SCUBE1: variants seen among roughly 807,000 people sequenced by gnomAD.
SCUBE1 encodes the protein signal peptide, CUB domain and EGF like domain containing 1.
Under a neutral mutation model 124.4 loss-of-function variants are expected in SCUBE1, and 59 were observed. The observed-to-expected ratio is 0.47, with a 90% CI of 0.38 to 0.59. SCUBE1 has a LOEUF of 0.59. Among genes scored for constraint, SCUBE1 ranks in the 20% least tolerant of loss-of-function variants. The pLI is 0.00. For missense variants in SCUBE1, 1,150 were observed against 1,371.2 expected (o/e 0.84, Z 2.55); for synonymous variants, 545 against 550.9 (o/e 0.99, Z 0.15).
At chr22:43,279,131 A>G (rs911300278) in intron 4 of SCUBE1, among the ~76,000 whole-genome samples, 1 of 152,110 alleles carries the variant, frequency 6.6e-6, no homozygotes, top group Non-Finnish European at 1.5e-5. Flanking sequence ...AGGGTTTCAG[A>G]TACAGGCTGC....
intron 6 of SCUBE1, among the ~76,000 whole-genome samples, chr22:43,256,171 C>A (rs2146704615): frequency 6.6e-6 from 1 of 152,302 alleles, no homozygotes; most frequent in African/African-American, 2.4e-5. Context: ...AGAATAGACA[C>A]AGAAAAACCA....
intron 6 of SCUBE1, among the ~76,000 whole-genome samples, chr22:43,240,935 G>C (rs566054156): frequency 6.6e-6 from 1 of 152,206 alleles, no homozygotes; most frequent in Non-Finnish European, 1.5e-5. Context: ...GCCTTGGAGA[G>C]ATGGGGGAAC....
At chr22:43,325,084 G>A (rs955392776) in intron 2 of SCUBE1, among the ~76,000 whole-genome samples, 1 of 151,572 alleles carries the variant, frequency 6.6e-6, no homozygotes, top group Non-Finnish European at 1.5e-5. Context: ...GTGGGATGAT[G>A]AAGGCAGAGA....
At chr22:43,334,559 A>T (rs950531306) in intron 2 of SCUBE1, among the ~76,000 whole-genome samples, 2 of 151,226 alleles carry the variant, frequency 1.3e-5, no homozygotes, top group Non-Finnish European at 2.9e-5. Flanking sequence ...ATCATCATCA[A>T]TATCACCATC....
At chr22:43,319,316 C>T (rs975611517) in intron 3 of SCUBE1, among the ~76,000 whole-genome samples, 3 of 152,058 alleles carry the variant, frequency 2.0e-5, no homozygotes, top group South Asian at 4.1e-4. Flanking sequence ...CCTGTTATCC[C>T]AGCACTTTGG....
At chr22:43,332,250 T>C (rs1307888109) in intron 2 of SCUBE1, among the ~76,000 whole-genome samples, 2 of 152,162 alleles carry the variant, frequency 1.3e-5, no homozygotes, top group Non-Finnish European at 2.9e-5. Flanking sequence ...ATTGAGCCAC[T>C]GAACTCCAGC....
At chr22:43,279,388 AG>A (rs1924669680) in intron 4 of SCUBE1, among the ~76,000 whole-genome samples, 1 of 152,190 alleles carries the variant, frequency 6.6e-6, no homozygotes, top group Admixed American at 6.5e-5. Flanking sequence ...TAGGAGGCTG[AG>A]TGCCAGCAGG....
In SCUBE1 at chr22:43,210,348, C is replaced by A; in HGVS notation, c.2384-108G>T. ...GCCTAGGGCAGGGCTGGAAGGTGCTCTTGTCCCCCCCCACACTAGCCCTCG... is the reference window on the plus strand; with the variant it reads ...GCCTAGGGCAGGGCTGGAAGGTGCTATTGTCCCCCCCCACACTAGCCCTCG... On this transcript the variant is annotated intron_variant, in intron 18 of 21. Coordinates refer to ENST00000360835, the MANE Select transcript of SCUBE1 (RefSeq NM_173050.5). The surrounding 1 kb of genome is among the most constrained non-coding windows in gnomAD (Gnocchi z 4.5). 1 of 926,008 alleles carries A rather than the reference C, an allele frequency of 1.1e-6. No individual in the cohort carries two copies. 57.4% of individuals were successfully genotyped at this position (926,008 alleles called of 1,614,324 possible).
At chr22:43,318,824 G>C (rs945554685) in intron 3 of SCUBE1, among the ~76,000 whole-genome samples, 2 of 152,064 alleles carry the variant, frequency 1.3e-5, no homozygotes, top group Non-Finnish European at 2.9e-5. Context: ...CCGTCTCCTG[G>C]GTTCAAGTGA....
At chr22:43,292,987 G>T (rs1925423652) in intron 3 of SCUBE1, among the ~76,000 whole-genome samples, 1 of 152,204 alleles carries the variant, frequency 6.6e-6, no homozygotes, top group South Asian at 2.1e-4. Context: ...TGGGGAGGAG[G>T]GAGAGGGACT....
chr22:43,234,647 G>C lies in SCUBE1; in HGVS notation c.845-2772C>G, dbSNP rs1922686747. On this transcript the variant is annotated intron_variant, in intron 7 of 21. Coordinates refer to ENST00000360835, the MANE Select transcript of SCUBE1 (RefSeq NM_173050.5). This position sits in a 1 kb window ranked among gnomAD's most constrained non-coding sequence, Gnocchi z 4.4. ...GGGGGTGCTGGGCTCATGGCCCCTG[G>C]GGTGCAGCTTTTGCACCTCTCTGCC... Among the ~76,000 whole-genome samples, 1 of 152,128 alleles carries C rather than the reference G, an allele frequency of 6.6e-6. No individual in the cohort carries two copies. The highest frequency in any genetic ancestry group is 1.5e-5 in the Non-Finnish European group (1 of 67,998).
chr22:43,239,664 C>A (rs1330503423), intron 6 of SCUBE1, among the ~76,000 whole-genome samples: 2 of 152,246 alleles, frequency 1.3e-5, no homozygotes, highest in African/African-American at 2.4e-5. Context: ...GGAGGAGGGG[C>A]TGGCAGAGCT....
At chr22:43,319,696 C>A (rs547018821) in intron 3 of SCUBE1, among the ~76,000 whole-genome samples, 3 of 152,182 alleles carry the variant, frequency 2.0e-5, no homozygotes, top group African/African-American at 7.2e-5. Flanking sequence ...GAGGAGCGGG[C>A]CCTCCGAAAA....
At position 43,221,257 on chromosome 22, in the gene SCUBE1, G is replaced by T. The variant is rs777612531; in HGVS notation, c.1465C>A (p.Arg489Ser). Residue 489 changes from arginine to serine, a missense_variant, in exon 13 of 22, where the codon CGC becomes AGC. Physicochemically the swap from Arg to Ser is moderately radical, Grantham distance 110 (BLOSUM62 -1). Transcript: ENST00000360835. Reference sequence around the variant, plus strand: ...CACTTGGCATCTCGGATCTTGAAGCGGGCCTTCTGTTTGATGGGGGTGGTG... The same window carrying T: ...CACTTGGCATCTCGGATCTTGAAGCTGGCCTTCTGTTTGATGGGGGTGGTG... Reference protein sequence around the residue: ...APTTPIKQKARFKIRDAKCHL... With the variant: ...APTTPIKQKASFKIRDAKCHL... 12 of 1,611,382 alleles carry T rather than the reference G, an allele frequency of 7.4e-6. No individual in the cohort carries two copies. The highest frequency in any genetic ancestry group is 3.3e-5 in the Admixed American group (2 of 59,980).
At chr22:43,283,729 C>T (rs1003170748) in intron 4 of SCUBE1, 8 of 152,352 alleles carry the variant, frequency 5.3e-5, no homozygotes, top group Non-Finnish European at 4.4e-5. Flanking sequence ...AAGATGTCAC[C>T]ATTGGGGGAA....
chr22:43,323,705 T>G (rs1327744017), intron 2 of SCUBE1, among the ~76,000 whole-genome samples: 2 of 152,012 alleles, frequency 1.3e-5, no homozygotes, highest in East Asian at 3.8e-4. Context: ...ACATGTACAC[T>G]CACGCTCATG....
chr22:43,323,829 T>G (rs1482696513), intron 2 of SCUBE1, among the ~76,000 whole-genome samples: 2 of 152,128 alleles, frequency 1.3e-5, no homozygotes, highest in African/African-American at 4.8e-5. Context: ...ATACAACAAT[T>G]TTTTCTAATA....
intron 10 of SCUBE1, among the ~76,000 whole-genome samples, chr22:43,226,165 C>A (rs186322002): frequency 5.9e-5 from 9 of 152,290 alleles, no homozygotes; most frequent in Non-Finnish European, 1.2e-4. Flanking sequence ...TGGGACAGGC[C>A]AAGAAGACCT....
Position 43,210,032 on chromosome 22 carries a change from C to T in SCUBE1, c.2581+11G>A, listed in dbSNP as rs1921473091. ...TGAGGCTGCCTCTGGTCCCCTCGGCCCCCAACATACCACTCTTCCTCATGA... is the reference window on the plus strand; with the variant it reads ...TGAGGCTGCCTCTGGTCCCCTCGGCTCCCAACATACCACTCTTCCTCATGA... On this transcript the variant is annotated intron_variant, in intron 19 of 21. Coordinates refer to ENST00000360835, the MANE Select transcript of SCUBE1 (RefSeq NM_173050.5). This position sits in a 1 kb window ranked among gnomAD's most constrained non-coding sequence, Gnocchi z 4.5. 3 of 1,593,258 alleles carry T rather than the reference C, an allele frequency of 1.9e-6. No homozygotes were observed. Among genetic ancestry groups the T allele is most frequent in the African/African-American group, 1.3e-5 (1 of 74,198 alleles).
Sources: gnomAD v4.1 joint callset for allele counts (sites outside exome capture counted in the v4.1 genomes callset) on GRCh38, gnomAD v4.1.1 for gene constraint, Gnocchi (gnomAD v3.1) non-coding constraint, MANE v1.5 for transcripts, NCBI Gene and HGNC (gene_info 2026-07-23, HGNC 2026-07-21) for gene names.